Variants in PCNX2 observed in about 807,000 individuals in gnomAD.
The protein encoded by PCNX2 is pecanex-like protein 2.
PCNX2 carries 168 observed loss-of-function variants against 223.8 expected under a neutral mutation model. The ratio of observed to expected loss-of-function variants is 0.75; its 90% CI spans 0.66 to 0.85. The LOEUF (loss-of-function observed/expected upper bound fraction) is 0.85. Among genes scored for constraint, PCNX2 ranks in the 40% least tolerant of loss-of-function variants. The pLI is 0.00. For synonymous variants in PCNX2, 1,006 were observed against 1,052.6 expected, an observed-to-expected ratio of 0.96 and a Z score of 0.86; for missense variants, 2,507 against 2,675.5, an observed-to-expected ratio of 0.94 and a Z score of 1.39.
intron 1 of PCNX2, among the ~76,000 whole-genome samples, chr1:233,282,798 T>A (rs1053677779): frequency 6.6e-6 from 1 of 152,230 alleles, no homozygotes; most frequent in East Asian, 1.9e-4. Context: ...TCTTTTTATA[T>A]GTTTTGTGAA....
chr1:233,131,729 T>G (rs1676516097), intron 21 of PCNX2, among the ~76,000 whole-genome samples: 1 of 151,734 alleles, frequency 6.6e-6, no homozygotes, highest in Non-Finnish European at 1.5e-5. Context: ...TCTCACTAAT[T>G]TTTCTTTTTT....
chr1:233,083,561 C>G (rs968850272), intron 23 of PCNX2, among the ~76,000 whole-genome samples: 1 of 152,164 alleles, frequency 6.6e-6, no homozygotes, highest in Admixed American at 6.5e-5. Context: ...ATACTTATGT[C>G]TATATTACAA....
At chr1:233,093,159 A>T (rs1288813778) in intron 22 of PCNX2, among the ~76,000 whole-genome samples, 1 of 152,192 alleles carries the variant, frequency 6.6e-6, no homozygotes, top group East Asian at 1.9e-4. Context: ...GGATGCACCA[A>T]GTAGAAAGCA....
Position 233,198,954 on chromosome 1 carries a change from G to A in PCNX2, c.3051C>T (p.Cys1017=). The A allele has an allele frequency of 6.2e-7, 1 of 1,605,400 alleles. No homozygotes were observed. Among genetic ancestry groups the A allele is most frequent in the Non-Finnish European group, 8.5e-7 (1 of 1,176,396 alleles). Residue 1017 remains cysteine, a synonymous_variant, in exon 15 of 34, where the codon TGC becomes TGT. Coordinates refer to ENST00000258229, the MANE Select transcript of PCNX2 (RefSeq NM_014801.4). ...TCACACCTACCTTCACTGCACTGAAGCAGACTGCGTGGAGCAGGGCGGCAG... is the reference window on the plus strand; with the variant it reads ...TCACACCTACCTTCACTGCACTGAAACAGACTGCGTGGAGCAGGGCGGCAG... ...VLAAALLHAV[C]FSAVKEPWSM... is the part of the protein sequence containing the mutation.
intron 23 of PCNX2, among the ~76,000 whole-genome samples, chr1:233,067,045 T>C (rs995068959): frequency 1.3e-5 from 2 of 151,980 alleles, no homozygotes; most frequent in African/African-American, 4.8e-5. Context: ...AACCTGGACT[T>C]CTAACCCCAT....
chr1:233,259,616 T>A (rs1240963230), intron 4 of PCNX2, among the ~76,000 whole-genome samples: 1 of 152,106 alleles, frequency 6.6e-6, no homozygotes, highest in Non-Finnish European at 1.5e-5. Flanking sequence ...TAATGCTATC[T>A]CTCCCCTTGC....
intron 21 of PCNX2, among the ~76,000 whole-genome samples, chr1:233,121,100 A>T (rs1675761140): frequency 6.6e-6 from 1 of 152,048 alleles, no homozygotes; most frequent in African/African-American, 2.4e-5. Context: ...ATAAGACAAA[A>T]TATGTGTGTA....
rs191321495 is a variant in PCNX2 at position 233,295,001 on chromosome 1, C to T, written c.153+325G>A. ...CCAAACATTATCCCAAGCTACCCAG[C>T]TCTAAGGCCTAGAGTTACCCACCTA... On this transcript the variant is annotated intron_variant, in intron 1 of 33. Transcript: ENST00000258229. The surrounding 1 kb of genome is among the most constrained non-coding windows in gnomAD (Gnocchi z 4.1). 1.3e-5 allele frequency among the ~76,000 whole-genome samples: 2 copies of T among 152,236 alleles called. No homozygotes were observed. The highest frequency in any genetic ancestry group is 1.3e-4 in the Admixed American group (2 of 15,300).
chr1:233,211,297 G>A (rs557003074), intron 12 of PCNX2, among the ~76,000 whole-genome samples: 4 of 151,968 alleles, frequency 2.6e-5, no homozygotes, highest in African/African-American at 7.2e-5. Flanking sequence ...GACATCTGCT[G>A]AGTTGACAAA....
chr1:233,160,912 C>T (rs751467549), intron 18 of PCNX2, among the ~76,000 whole-genome samples: 2 of 152,146 alleles, frequency 1.3e-5, no homozygotes, highest in Admixed American at 6.5e-5. Flanking sequence ...TGCCTCACCC[C>T]GATACGGTGA....
At chr1:233,211,523 C>G (rs951345950) in intron 12 of PCNX2, among the ~76,000 whole-genome samples, 2 of 152,224 alleles carry the variant, frequency 1.3e-5, no homozygotes, top group Non-Finnish European at 1.5e-5. Flanking sequence ...AGTGTCCTAC[C>G]TACTTCAAGT....
chr1:233,200,897 G>T (rs1681049455), intron 13 of PCNX2, among the ~76,000 whole-genome samples: 2 of 151,162 alleles, frequency 1.3e-5, no homozygotes, highest in Admixed American at 1.3e-4. Flanking sequence ...GTGGTGGCGG[G>T]CGCCTGTAGT....
intron 19 of PCNX2, among the ~76,000 whole-genome samples, chr1:233,148,219 A>T (rs1677577063): frequency 6.6e-6 from 1 of 152,100 alleles, no homozygotes. Flanking sequence ...TCAGGTAAAG[A>T]TTCATCCCAA....
rs145922204 is a variant in PCNX2, at chr1:232,995,287, G to A, written c.5791+2964C>T. 7.7e-3 allele frequency among the ~76,000 whole-genome samples: 1,180 copies of A among 152,276 alleles called. 9 individuals are homozygous for A. The highest frequency in any genetic ancestry group is 0.027 in the African/African-American group (1,135 of 41,550). On this transcript the variant is annotated intron_variant, in intron 32 of 33. Transcript: ENST00000258229. ...ATCCCCCTAAGCAGGACAACAACTG[G>A]TCTCAGAGCCTGGGACAAACTCAGG...
chr1:233,108,883 G>A (rs191225196), intron 21 of PCNX2, among the ~76,000 whole-genome samples: 10 of 152,194 alleles, frequency 6.6e-5, no homozygotes, highest in East Asian at 3.9e-4. Context: ...AATGTCCTCC[G>A]TGTCCCACCC....
intron 23 of PCNX2, among the ~76,000 whole-genome samples, chr1:233,067,333 C>T (rs1185199383): frequency 2.1e-4 from 6 of 28,640 alleles, no homozygotes; most frequent in African/African-American, 7.1e-4. Flanking sequence ...CAATTAAGAT[C>T]ACTTGAAATA....
rs868839497 is a variant in PCNX2, at chr1:233,235,985, T to A, written c.2358+860A>T. ...ATATATATATATATATATATATATATAATTATATTATTTTTTCAAAGATGA... is the reference window on the plus strand; with the variant it reads ...ATATATATATATATATATATATATAAAATTATATTATTTTTTCAAAGATGA... On this transcript the variant is annotated intron_variant, in intron 9 of 33. Coordinates refer to ENST00000258229, the MANE Select transcript of PCNX2 (RefSeq NM_014801.4). Among the ~76,000 whole-genome samples the A allele has an allele frequency of 4.0e-4, 58 of 143,624 alleles. 1 individual carries two copies. The highest frequency in any genetic ancestry group is 1.3e-3 in the South Asian group (6 of 4,592). The allele number at this position is 143,624 out of a possible 152,430, so 94.2% of individuals were successfully genotyped here.
chr1:233,297,583 T>G (rs1662192687), upstream of PCNX2, among the ~76,000 whole-genome samples: 1 of 152,182 alleles, frequency 6.6e-6, no homozygotes, highest in Admixed American at 6.5e-5. Context: ...GGAATAGTTC[T>G]CCAGGCACAT....
chr1:233,296,495 C>CA (rs1662134536), upstream of PCNX2, among the ~76,000 whole-genome samples: 1 of 152,088 alleles, frequency 6.6e-6, no homozygotes, highest in Non-Finnish European at 1.5e-5. Flanking sequence ...ACCCACTGGA[C>CA]AAAAAATTAA....
Sources: gnomAD v4.1 joint callset for allele counts (sites outside exome capture counted in the v4.1 genomes callset) on GRCh38, gnomAD v4.1.1 for gene constraint, Gnocchi (gnomAD v3.1) non-coding constraint, MANE v1.5 for transcripts, NCBI Gene and HGNC (gene_info 2026-07-23, HGNC 2026-07-21) for gene names.